The following CEP192 variants were observed in gnomAD, a reference collection of about 807,000 sequenced individuals.
The protein encoded by CEP192 is centrosomal protein of 192 kDa.
A neutral mutation model predicts 271.8 loss-of-function variants in CEP192; 151 were observed. That is an observed-to-expected ratio of 0.56 (90% confidence interval 0.49 to 0.64). The LOEUF (loss-of-function observed/expected upper bound fraction) is 0.64. Among genes scored for constraint, CEP192 ranks in the 30% least tolerant of loss-of-function variants. The probability of loss-of-function intolerance (pLI) is 0.00; values close to 1 mark genes in which losing one functional copy is unlikely to be tolerated. For synonymous variants in CEP192, 995 were observed against 1,076.5 expected, an observed-to-expected ratio of 0.92 and a Z score of 1.48; for missense variants, 2,910 against 3,020.5, an observed-to-expected ratio of 0.96 and a Z score of 0.86.
At chr18:13,068,458 CTG>C (rs2037831628) in intron 24 of CEP192, 36 bp downstream of exon 24, 1 of 1,458,186 alleles carries the variant, frequency 6.9e-7, no homozygotes, top group African/African-American at 1.4e-5. Context: ...TTGCTTTAAT[CTG>C]TAGCTAGATA....
chr18:13,061,280 G>A (rs534985559), intron 21 of CEP192, among the ~76,000 whole-genome samples: 15 of 150,686 alleles, frequency 1.0e-4, no homozygotes, highest in Non-Finnish European at 1.9e-4. Context: ...CTGAAGTCAC[G>A]CTATTGCACT....
chr18:13,025,647 C>A (rs562365639), intron 9 of CEP192, among the ~76,000 whole-genome samples: 1 of 152,276 alleles, frequency 6.6e-6, no homozygotes, highest in East Asian at 1.9e-4. Context: ...TAAAATTAAT[C>A]CATATTCACT....
rs977961597 is a variant in CEP192, at chr18:13,058,912, C to T, written c.4258-170C>T. 5.3e-5 allele frequency: 32 copies of T among 601,326 alleles called. No individual in the cohort carries two copies. In the East Asian group the frequency reaches 5.6e-4, roughly 11 times the overall value. 37.2% of individuals were successfully genotyped at this position (601,326 alleles called of 1,614,324 possible). On this transcript the variant is annotated intron_variant, in intron 20 of 44. Transcript: ENST00000506447. The stretch of plus-strand genomic sequence containing the variant: ...CATTCAACTCAGGAAGCATTTGACT[C>T]GTTGTACTTCAGAGACCATAAATGA...
At chr18:13,051,744 C>T (rs893791473) in intron 17 of CEP192, among the ~76,000 whole-genome samples, 3 of 152,054 alleles carry the variant, frequency 2.0e-5, no homozygotes, top group African/African-American at 2.4e-5. Flanking sequence ...GGGATTTCAC[C>T]GTGTTAAACG....
chr18:13,067,210 T>C (rs989087959), intron 21 of CEP192, among the ~76,000 whole-genome samples: 2 of 152,218 alleles, frequency 1.3e-5, no homozygotes, highest in Non-Finnish European at 2.9e-5. Flanking sequence ...TTATGTTAGG[T>C]GTTTGAAGTA....
chr18:13,053,068 A>G lies in CEP192; in HGVS notation c.3167A>G (p.Asp1056Gly). The G allele has an allele frequency of 1.2e-6, 2 of 1,611,158 alleles. No individual in the cohort carries two copies. Among genetic ancestry groups the G allele is most frequent in the Non-Finnish European group, 1.7e-6 (2 of 1,178,554 alleles). ...AGCTCCTATCCTACCACAGCCACAG[A>G]TGATGCCCTGGAGGACCGCAAGGTG... ...PESSYPTTAT[D>G]DALEDRKSDI... The change falls in exon 18 of 45, where the codon GAT becomes GGT. Residue 1056 changes from aspartate (D) to glycine (G), a missense_variant. By Grantham distance (94) the Asp-to-Gly change is moderately conservative. Transcript: ENST00000506447.
intron 1 of CEP192, among the ~76,000 whole-genome samples, chr18:12,998,046 T>C (rs1290723918): frequency 6.6e-6 from 1 of 152,206 alleles, no homozygotes; most frequent in African/African-American, 2.4e-5. Context: ...TTAGTGGTCA[T>C]AAAACTTCTT....
chr18:13,043,760 A>G (rs1236387307), intron 15 of CEP192, among the ~76,000 whole-genome samples: 1 of 151,938 alleles, frequency 6.6e-6, no homozygotes, highest in Non-Finnish European at 1.5e-5. Context: ...CTAACATATC[A>G]CTTCATTTAT....
chr18:13,047,603 T>C (rs996955133), intron 15 of CEP192, among the ~76,000 whole-genome samples: 1 of 152,246 alleles, frequency 6.6e-6, no homozygotes, highest in African/African-American at 2.4e-5. Flanking sequence ...AGATAAGTTT[T>C]TGAGTATGCT....
In CEP192 at chr18:13,100,245, T is replaced by A; in HGVS notation, c.6664-60T>A. ...TCTCTACCATGGTTTAAAAATGGAA[T>A]TGTTTCGTTTAAAGTGATAGATACG... is the stretch of plus-strand genomic sequence containing the variant. On this transcript the variant is annotated intron_variant, in intron 37 of 44. Transcript: ENST00000506447. 9 of 1,146,838 alleles carry A rather than the reference T, an allele frequency of 7.8e-6. No individual in the cohort carries two copies. In the South Asian group the frequency reaches 1.2e-4, roughly 15 times the overall value. 71.0% of individuals were successfully genotyped at this position (1,146,838 alleles called of 1,614,324 possible). A position where few individuals can be genotyped will look rare whatever the true frequency, so the allele number is the denominator to read the frequency against.
chr18:13,012,906 G>T, intron 4 of CEP192, 67 bp from the exon 5 acceptor site: 1 of 770,430 alleles, frequency 1.3e-6, no homozygotes, highest in South Asian at 1.9e-5. Context: ...GCTATTTTTA[G>T]GTATCGTTGG....
At chr18:13,081,116 T>A (rs1336577521) in intron 30 of CEP192, among the ~76,000 whole-genome samples, 2 of 152,286 alleles carry the variant, frequency 1.3e-5, no homozygotes, top group Non-Finnish European at 2.9e-5. Context: ...TGTTGTGTCT[T>A]TGCCAGGCTT....
rs2034577548 is a variant in CEP192 at position 13,015,275 on chromosome 18, G to T, written c.520-53G>T. On this transcript the variant is annotated intron_variant, in intron 5 of 44. Coordinates refer to ENST00000506447, the MANE Select transcript of CEP192 (RefSeq NM_032142.4). The stretch of plus-strand genomic sequence containing the variant: ...GGTCCTTTTTGTAGCCTTGTACTAT[G>T]CTCTTCAGAGCCCTGAATGTGCTTC... 3 of 1,520,498 alleles carry T rather than the reference G, an allele frequency of 2.0e-6. No individual in the cohort carries two copies. In the Admixed American group the frequency reaches 6.5e-5, roughly 33 times the overall value. 94.2% of individuals were successfully genotyped at this position (1,520,498 alleles called of 1,614,324 possible).
chr18:13,045,271 G>T (rs1162631936), intron 15 of CEP192, among the ~76,000 whole-genome samples: 2 of 151,712 alleles, frequency 1.3e-5, no homozygotes, highest in African/African-American at 2.4e-5. Context: ...TTAATGTGTT[G>T]TTTTTCTAAC....
Position 13,056,404 on chromosome 18 carries a change from A to G in CEP192, c.3814A>G (p.Thr1272Ala), listed in dbSNP as rs1362423399. 9 of 1,614,188 alleles carry G rather than the reference A, an allele frequency of 5.6e-6. No homozygotes were observed. The highest frequency in any genetic ancestry group is 6.8e-6 in the Non-Finnish European group (8 of 1,180,024). The change falls in exon 19 of 45, where the codon ACT becomes GCT. Residue 1272 changes from threonine to alanine, a missense_variant. Physicochemically the swap from Thr to Ala is moderately conservative, Grantham distance 58. Coordinates refer to ENST00000506447, the MANE Select transcript of CEP192 (RefSeq NM_032142.4). ...AQRYLGTLPS[T>A]GSTTLPQCHA... ...GCGGTATTTGGGAACACTCCCTTCA[A>G]CTGGAAGCACCACCTTGCCTCAGTG...
intron 15 of CEP192, among the ~76,000 whole-genome samples, chr18:13,047,360 T>TAC (rs35070042): frequency 0.046 from 6,972 of 150,814 alleles, 483 homozygotes; most frequent in African/African-American, 0.15. Flanking sequence ...CCCTCAAACA[T>TAC]ACACACACAC....
chr18:13,085,875 G>A (rs1281135566), intron 30 of CEP192, among the ~76,000 whole-genome samples: 12 of 151,948 alleles, frequency 7.9e-5, no homozygotes, highest in Middle Eastern at 3.2e-3. Flanking sequence ...TTGGCTATAC[G>A]GGCTCTTTTT....
chr18:13,045,324 T>C (rs1248328804), intron 15 of CEP192, among the ~76,000 whole-genome samples: 1 of 152,232 alleles, frequency 6.6e-6, no homozygotes, highest in Admixed American at 6.5e-5. Context: ...TCTGCCTTCC[T>C]GCTTTTTCAG....
intron 17 of CEP192, among the ~76,000 whole-genome samples, chr18:13,051,538 C>A (rs182199075): frequency 4.9e-4 from 75 of 152,140 alleles, no homozygotes; most frequent in Middle Eastern, 3.4e-3. Flanking sequence ...TGATTTGGGA[C>A]TTTTTATTTA....
Sources: gnomAD v4.1 joint callset for allele counts (sites outside exome capture counted in the v4.1 genomes callset) on GRCh38, gnomAD v4.1.1 for gene constraint, MANE v1.5 for transcripts, NCBI Gene and HGNC (gene_info 2026-07-23, HGNC 2026-07-21) for gene names.